MFAP1: variants seen among roughly 807,000 people sequenced by gnomAD.
The protein encoded by MFAP1 is microfibril associated protein 1, also known as microfibrillar-associated protein 1.
In MFAP1, 18 loss-of-function variants were observed where a neutral mutation model predicts 62.2. The observed-to-expected ratio is 0.29, with a 90% CI of 0.20 to 0.43. The LOEUF is 0.43. Ranked by LOEUF, MFAP1 falls within the 20% of genes least tolerant of loss-of-function variation. MFAP1 has a pLI of 1.00. For synonymous variants in MFAP1, 175 were observed against 180.4 expected (o/e 0.97, Z 0.24); for missense variants, 355 against 559.7 (o/e 0.63, Z 3.69).
At chr15:43,823,730 G>A (rs2087481774) in intron 1 of MFAP1, among the ~76,000 whole-genome samples, 1 of 152,176 alleles carries the variant, frequency 6.6e-6, no homozygotes, top group African/African-American at 2.4e-5. Context: ...AGGGAATAAA[G>A]TGTGGATTAC....
intron 2 of MFAP1, among the ~76,000 whole-genome samples, chr15:43,816,231 TTTTTTTC>T (rs2087432878): frequency 6.9e-6 from 1 of 145,208 alleles, no homozygotes; most frequent in African/African-American, 2.5e-5. Context: ...TAATTTTATT[TTTTTTTC>T]TTTTTTCTTT....
chr15:43,805,058 T>G lies in MFAP1; in HGVS notation c.*36A>C, dbSNP rs1433268235. 5.9e-6 allele frequency: 9 copies of G among 1,534,814 alleles called. No individual in the cohort carries two copies. The highest frequency in any genetic ancestry group is 7.9e-6 in the Non-Finnish European group (9 of 1,135,088). Reference sequence around the variant, plus strand: ...CAAGGACCAGATGCTGAGACTCCCCTTGTGTTCCACAGTTGGAAGAATAAG... The same window carrying G: ...CAAGGACCAGATGCTGAGACTCCCCGTGTGTTCCACAGTTGGAAGAATAAG... On this transcript the variant is annotated 3_prime_UTR_variant, in exon 9 of 9. Coordinates refer to ENST00000267812, the MANE Select transcript of MFAP1 (RefSeq NM_005926.3).
chr15:43,821,297 C>A (rs984258112), intron 1 of MFAP1, among the ~76,000 whole-genome samples: 2 of 152,006 alleles, frequency 1.3e-5, no homozygotes, highest in East Asian at 3.9e-4. Context: ...GAGAAGATGG[C>A]AACTGCACCT....
intron 7 of MFAP1, among the ~76,000 whole-genome samples, chr15:43,806,003 G>A (rs1368384556): frequency 2.7e-5 from 4 of 150,100 alleles, no homozygotes; most frequent in Non-Finnish European, 5.9e-5. Flanking sequence ...TGATGTCCAG[G>A]CTGGAGTGCA....
At chr15:43,821,995 A>G (rs2087469637) in intron 1 of MFAP1, among the ~76,000 whole-genome samples, 1 of 152,168 alleles carries the variant, frequency 6.6e-6, no homozygotes, top group Non-Finnish European at 1.5e-5. Context: ...GGGGAAACGT[A>G]TACTATAGAT....
intron 6 of MFAP1, among the ~76,000 whole-genome samples, chr15:43,810,445 C>T (rs981639818): frequency 1.3e-5 from 2 of 151,476 alleles, no homozygotes; most frequent in Non-Finnish European, 2.9e-5. Context: ...TGGCTCACTG[C>T]AAGCTCCGCC....
chr15:43,807,156 G>T, intron 7 of MFAP1, among the ~76,000 whole-genome samples: 1 of 151,746 alleles, frequency 6.6e-6, no homozygotes, highest in East Asian at 2.0e-4. Context: ...TTCAAGACCA[G>T]CCTGGCCAAC....
chr15:43,818,504 C>CAA (rs35298718), intron 1 of MFAP1, among the ~76,000 whole-genome samples: 49 of 124,406 alleles, frequency 3.9e-4, no homozygotes, highest in African/African-American at 1.3e-3. Context: ...TAAAAACTAC[C>CAA]AAAAAAAAAA....
rs572430888 is a variant in MFAP1 at position 43,818,937 on chromosome 15, A to G, written c.80-1489T>C. On this transcript the variant is annotated intron_variant, in intron 1 of 8. Transcript: ENST00000267812. ...CTGGGCACAGTGGCTCATGCTTGTA[A>G]TCCCAGCACTTTGGAAAGCCAAGGT... Among the ~76,000 whole-genome samples, 3 of 152,308 alleles carry G rather than the reference A, an allele frequency of 2.0e-5. No individual in the cohort carries two copies. The South Asian group carries it at 6.2e-4, about 32-fold the overall frequency.
intron 7 of MFAP1, among the ~76,000 whole-genome samples, chr15:43,806,740 C>T (rs573347371): frequency 2.6e-5 from 4 of 152,256 alleles, no homozygotes; most frequent in Admixed American, 1.3e-4. Flanking sequence ...GGCCTGGTGG[C>T]GCGCACCTGT....
At chr15:43,805,323 C>G in intron 8 of MFAP1, 47 bp from the exon 9 acceptor site, 1 of 1,601,310 alleles carries the variant, frequency 6.2e-7, no homozygotes, top group Non-Finnish European at 8.5e-7. Context: ...CAAACCATGC[C>G]TCAGCTATCA....
Position 43,805,129 on chromosome 15 carries a change from C to T in MFAP1, c.1285G>A (p.Glu429Lys). 1 of 1,594,432 alleles carries T rather than the reference C, an allele frequency of 6.3e-7. No individual in the cohort carries two copies. The highest frequency in any genetic ancestry group is 8.6e-7 in the Non-Finnish European group (1 of 1,163,780). The part of the protein sequence containing the change: ...QKAAGVRDVF[E>K]RPSAKKRKTT ...TTCCGCTTCTTGGCAGATGGCCGCT[C>T]AAATACATCTCGTACCCCAGCTGCC... Residue 429 changes from glutamate (E) to lysine (K), a missense_variant, in exon 9 of 9, where the codon GAG (glutamate) becomes AAG (lysine). Glu to Lys is a moderately conservative substitution (Grantham distance 56). This residue lies in a region of MFAP1 where 44 missense variants were observed against 80.8 expected (regional missense o/e 0.54). Transcript: ENST00000267812.
In MFAP1 at chr15:43,814,798, A is replaced by G. The variant is rs552123129; in HGVS notation, c.430-110T>C. Reference sequence around the variant, plus strand: ...AAAAGATACAACTTAGTATCATTCTATTTTTAATCCTATCCCCACAAACAA... The same window carrying G: ...AAAAGATACAACTTAGTATCATTCTGTTTTTAATCCTATCCCCACAAACAA... On this transcript the variant is annotated intron_variant, in intron 3 of 8. Coordinates refer to ENST00000267812, the MANE Select transcript of MFAP1 (RefSeq NM_005926.3). 98 of 1,490,266 alleles carry G rather than the reference A, an allele frequency of 6.6e-5. 2 individuals carry two copies. In the South Asian group the frequency reaches 1.2e-3, roughly 18 times the overall value. The allele number at this position is 1,490,266 out of a possible 1,614,324, so 92.3% of individuals were successfully genotyped here. A position where few individuals can be genotyped will look rare whatever the true frequency, so the allele number is the denominator to read the frequency against.
Position 43,805,053 on chromosome 15 carries a change from T to TC in MFAP1, c.*40dup. 3.9e-6 allele frequency: 6 copies of TC among 1,523,680 alleles called. No homozygotes were observed. The South Asian group carries it at 6.4e-5, about 16-fold the overall frequency. 94.4% of individuals were successfully genotyped at this position (1,523,680 alleles called of 1,614,324 possible). A position where few individuals can be genotyped will look rare whatever the true frequency, so the allele number is the denominator to read the frequency against. On this transcript the variant is annotated 3_prime_UTR_variant, in exon 9 of 9. Transcript: ENST00000267812. ...CAAATCAAGGACCAGATGCTGAGAC[T>TC]CCCCTTGTGTTCCACAGTTGGAAGA...
Position 43,812,972 on chromosome 15 carries a change from C to T in MFAP1, c.887+15G>A. 6.2e-7 allele frequency: 1 copy of T among 1,613,656 alleles called. No individual in the cohort carries two copies. The highest frequency in any genetic ancestry group is 8.5e-7 in the Non-Finnish European group (1 of 1,179,778). On this transcript the variant is annotated intron_variant, in intron 6 of 8. Transcript: ENST00000267812. ...CCATTAGCAGCATTAACTCTAGGCT[C>T]ATCTTTTTACTCACGCTTCTCGATC...
rs1184825296 is a variant in MFAP1 at position 43,814,528 on chromosome 15, G to T, written c.590C>A (p.Pro197His). 1 of 1,613,342 alleles carries T rather than the reference G, an allele frequency of 6.2e-7. No homozygotes were observed. Among genetic ancestry groups the T allele is most frequent in the African/African-American group, 1.3e-5 (1 of 74,994 alleles). The change falls in exon 4 of 9, where the codon CCT (proline) becomes CAT (histidine). Residue 197 changes from proline (P) to histidine (H), a missense_variant. Transcript: ENST00000267812. ...EYTDSEDEME[P>H]RLKPVFIRKK... ...TCGAATGAAGACTGGCTTAAGGCGA[G>T]GCTCCATCTCATCTTCACTGTCTGT...
chr15:43,823,547 T>G (rs1287247141), intron 1 of MFAP1, among the ~76,000 whole-genome samples: 1 of 151,758 alleles, frequency 6.6e-6, no homozygotes, highest in Non-Finnish European at 1.5e-5. Context: ...TGGCTAATTT[T>G]TTGTATTTTT....
chr15:43,821,965 T>G (rs979104195), intron 1 of MFAP1, among the ~76,000 whole-genome samples: 3 of 151,658 alleles, frequency 2.0e-5, no homozygotes, highest in African/African-American at 7.3e-5. Flanking sequence ...ACTCCATAAT[T>G]AAAAGACAAG....
intron 1 of MFAP1, among the ~76,000 whole-genome samples, chr15:43,819,387 C>T (rs2087453704): frequency 6.6e-6 from 1 of 152,146 alleles, no homozygotes; most frequent in Admixed American, 6.5e-5. Context: ...AGTGATCCTC[C>T]AGCCTCAGTC....
Sources: allele counts gnomAD v4.1 joint callset (sites outside exome capture counted in the v4.1 genomes callset), GRCh38; gene constraint gnomAD v4.1.1; regional missense constraint gnomAD v4.1.1; transcripts MANE v1.5; gene names NCBI Gene and HGNC (gene_info 2026-07-23, HGNC 2026-07-21).